The following SPAG16 variants were observed in gnomAD, a reference collection of about 807,000 sequenced individuals.
The protein encoded by SPAG16 is sperm-associated antigen 16 protein.
A neutral mutation model predicts 80.4 loss-of-function variants in SPAG16; 86 were observed. The observed-to-expected ratio is 1.07, with a 90% confidence interval of 0.90 to 1.28. The LOEUF (loss-of-function observed/expected upper bound fraction) is 1.28. SPAG16 is among the 50% of genes most tolerant of loss of function. The pLI is 0.00. For synonymous variants in SPAG16, 294 were observed against 265.9 expected (o/e 1.11, Z -1.03); for missense variants, 870 against 765.3 (o/e 1.14, Z -1.61).
chr2:213,862,743 T>G (rs766692924), intron 11 of SPAG16, 115 bp downstream of exon 11: 55 of 1,141,950 alleles, frequency 4.8e-5, no homozygotes, highest in Non-Finnish European at 6.7e-5. Flanking sequence ...CAACACACCC[T>G]GCACTGAATT....
chr2:213,728,220 A>C (rs2066862589), intron 10 of SPAG16, among the ~76,000 whole-genome samples: 1 of 152,202 alleles, frequency 6.6e-6, no homozygotes, highest in African/African-American at 2.4e-5. Context: ...ACCTAAATGA[A>C]TGTGTTTGGC....
intron 11 of SPAG16, among the ~76,000 whole-genome samples, chr2:213,899,302 A>T (rs2077117206): frequency 6.6e-6 from 1 of 152,128 alleles, no homozygotes; most frequent in South Asian, 2.1e-4. Context: ...AAGAGGAATT[A>T]TTTGAATTCT....
intron 10 of SPAG16, among the ~76,000 whole-genome samples, chr2:213,694,168 A>G (rs1181063219): frequency 1.3e-5 from 2 of 152,198 alleles, no homozygotes; most frequent in African/African-American, 4.8e-5. Context: ...CTAAGGAGGT[A>G]AGAGAAGGAG....
At chr2:213,441,384 C>A (rs184462284) in intron 9 of SPAG16, among the ~76,000 whole-genome samples, 3 of 152,222 alleles carry the variant, frequency 2.0e-5, no homozygotes, top group Admixed American at 6.5e-5. Flanking sequence ...ATGAAGGCAG[C>A]TAGAAACAAC....
chr2:213,379,091 T>C (rs1223942907), intron 9 of SPAG16, among the ~76,000 whole-genome samples: 1 of 152,154 alleles, frequency 6.6e-6, no homozygotes, highest in Non-Finnish European at 1.5e-5. Context: ...CATTGTTGTG[T>C]CTCTTGATGG....
intron 10 of SPAG16, among the ~76,000 whole-genome samples, chr2:213,613,612 A>G (rs2125026379): frequency 6.6e-6 from 1 of 152,286 alleles, no homozygotes; most frequent in South Asian, 2.1e-4. Context: ...AATATTGTAA[A>G]CATCTCTGAC....
intron 13 of SPAG16, among the ~76,000 whole-genome samples, chr2:214,051,339 A>G (rs1466117487): frequency 3.9e-5 from 6 of 152,344 alleles, no homozygotes; most frequent in African/African-American, 1.4e-4. Flanking sequence ...AAGAAGACCA[A>G]AAGGAATTGC....
At chr2:213,334,655 A>G (rs934555364) in intron 5 of SPAG16, among the ~76,000 whole-genome samples, 1 of 152,212 alleles carries the variant, frequency 6.6e-6, no homozygotes, top group South Asian at 2.1e-4. Flanking sequence ...GTCATTTGCA[A>G]CATGGTGGAA....
chr2:214,236,521 G>A (rs551105999), intron 15 of SPAG16, among the ~76,000 whole-genome samples: 3 of 151,784 alleles, frequency 2.0e-5, no homozygotes, highest in East Asian at 1.9e-4. Context: ...GCATGGGGGC[G>A]GGCACCTGTA....
intron 10 of SPAG16, among the ~76,000 whole-genome samples, chr2:213,576,850 G>A (rs566404348): frequency 1.3e-5 from 2 of 152,208 alleles, no homozygotes; most frequent in South Asian, 4.1e-4. Flanking sequence ...GAGGGTGGAG[G>A]GTGGGAGGAA....
intron 13 of SPAG16, among the ~76,000 whole-genome samples, chr2:214,092,454 T>C (rs2052278579): frequency 6.6e-6 from 1 of 151,634 alleles, no homozygotes; most frequent in Admixed American, 6.6e-5. Flanking sequence ...TTTCCTTTTA[T>C]GTGAATGGCC....
chr2:213,446,965 A>G (rs1461466319), intron 9 of SPAG16, among the ~76,000 whole-genome samples: 2 of 152,182 alleles, frequency 1.3e-5, no homozygotes, highest in Admixed American at 6.5e-5. Context: ...AAGACAAATG[A>G]AAGGGGGAGT....
chr2:214,058,043 A>G (rs1297833581), intron 13 of SPAG16, among the ~76,000 whole-genome samples: 4 of 152,162 alleles, frequency 2.6e-5, no homozygotes, highest in African/African-American at 9.7e-5. Context: ...CAGACCACCA[A>G]AACTGTCTCC....
intron 15 of SPAG16, among the ~76,000 whole-genome samples, chr2:214,163,131 G>A (rs1375981105): frequency 1.3e-5 from 2 of 151,936 alleles, no homozygotes; most frequent in African/African-American, 2.4e-5. Flanking sequence ...AGTTTTCACT[G>A]TATGTATTTT....
At chr2:213,701,300 T>C (rs190829569) in intron 10 of SPAG16, among the ~76,000 whole-genome samples, 106 of 152,348 alleles carry the variant, frequency 7.0e-4, no homozygotes, top group Non-Finnish European at 1.4e-3. Flanking sequence ...TACTACAGTC[T>C]GTAAGGACGT....
chr2:214,170,380 A>G (rs2056832900), intron 15 of SPAG16, among the ~76,000 whole-genome samples: 1 of 152,020 alleles, frequency 6.6e-6, no homozygotes, highest in Non-Finnish European at 1.5e-5. Context: ...CATAAATACA[A>G]GATCATCATC....
At chr2:214,314,866 A>T (rs2125984326) in intron 15 of SPAG16, among the ~76,000 whole-genome samples, 1 of 152,330 alleles carries the variant, frequency 6.6e-6, no homozygotes, top group South Asian at 2.1e-4. Flanking sequence ...GCATGAGGAA[A>T]GAATAAAAAA....
intron 4 of SPAG16, among the ~76,000 whole-genome samples, chr2:213,315,683 T>G (rs1287981952): frequency 2.5e-5 from 2 of 79,992 alleles, no homozygotes; most frequent in African/African-American, 4.4e-5. Flanking sequence ...TCTGCATGAC[T>G]CTATTGAAAA....
At chr2:213,819,538 A>G (rs2072796084) in intron 10 of SPAG16, among the ~76,000 whole-genome samples, 1 of 151,786 alleles carries the variant, frequency 6.6e-6, no homozygotes, top group African/African-American at 2.4e-5. Flanking sequence ...ATAAATGCAC[A>G]TTCTTTGAAA....
Sources: allele counts gnomAD v4.1 joint callset (sites outside exome capture counted in the v4.1 genomes callset), GRCh38; gene constraint gnomAD v4.1.1; transcripts MANE v1.5; gene names NCBI Gene and HGNC (gene_info 2026-07-23, HGNC 2026-07-21).